Variants in KCNQ1 observed in about 807,000 individuals in gnomAD.
The protein encoded by KCNQ1 is potassium voltage-gated channel subfamily Q member 1.
A neutral mutation model predicts 72.4 loss-of-function variants in KCNQ1; 49 were observed. That is an observed-to-expected ratio of 0.68 (90% CI 0.54 to 0.86). The LOEUF is 0.86. KCNQ1 is among the 40% of genes least tolerant of loss of function. KCNQ1 has a pLI of 0.00. For missense variants in KCNQ1, 790 were observed against 945.1 expected (o/e 0.84, Z 2.15); for synonymous variants, 450 against 412.6 (o/e 1.09, Z -1.10).
rs1848576720 is a variant in KCNQ1 at position 2,585,277 on chromosome 11, G to A, written c.1098G>A (p.Arg366=). 1 of 1,614,006 alleles carries A rather than the reference G, an allele frequency of 6.2e-7. No homozygotes were observed. ...QQKQRQKHFN[R]QIPAAASLIQ... The stretch of plus-strand genomic sequence containing the variant: ...AGCAGAGGCAGAAGCACTTCAACCG[G>A]CAGATCCCGGCGGCAGCCTCACTCA... The change falls in exon 8 of 16, where the codon CGG becomes CGA. Residue 366 remains arginine, a synonymous_variant. Transcript: ENST00000155840.
In KCNQ1 at chr11:2,479,087, T is replaced by C. The variant is rs553026281; in HGVS notation, c.386+33603T>C. Reference sequence around the variant, plus strand: ...ATGCAAGAGGTGGGTTCCCATAGTCTTGAGCAGCTCTGCCCCTCTGGCTTT... The same window carrying C: ...ATGCAAGAGGTGGGTTCCCATAGTCCTGAGCAGCTCTGCCCCTCTGGCTTT... On this transcript the variant is annotated intron_variant, in intron 1 of 15. Coordinates refer to ENST00000155840, the MANE Select transcript of KCNQ1 (RefSeq NM_000218.3). This position sits in a 1 kb window ranked among gnomAD's most constrained non-coding sequence, Gnocchi z 4.6. 6.6e-6 allele frequency among the ~76,000 whole-genome samples: 1 copy of C among 152,344 alleles called. No homozygotes were observed. The highest frequency in any genetic ancestry group is 1.9e-4 in the East Asian group (1 of 5,172).
At chr11:2,570,525 T>C in intron 2 of KCNQ1, 103 bp from the exon 3 acceptor site, 1 of 1,514,910 alleles carries the variant, frequency 6.6e-7, no homozygotes, top group Non-Finnish European at 9.0e-7. Flanking sequence ...CAGGGTGTCC[T>C]TCAGCGGAGG....
At position 2,735,019 on chromosome 11, in the gene KCNQ1, C is replaced by T. The variant is rs1430474245; in HGVS notation, c.1515-33825C>T. The stretch of plus-strand genomic sequence containing the variant: ...CCCCAGGCTGGTGGGGTAAGCGCCT[C>T]GGAGGGCACACTAACAAGAGGCACA... On this transcript the variant is annotated intron_variant, in intron 11 of 15. Coordinates refer to ENST00000155840, the MANE Select transcript of KCNQ1 (RefSeq NM_000218.3). The surrounding 1 kb of genome is among the most constrained non-coding windows in gnomAD (Gnocchi z 7.7). Among the ~76,000 whole-genome samples the T allele has an allele frequency of 3.3e-5, 5 of 152,096 alleles. No homozygotes were observed. Among genetic ancestry groups the T allele is most frequent in the African/African-American group, 1.2e-4 (5 of 41,416 alleles).
At position 2,668,870 on chromosome 11, in the gene KCNQ1, T is replaced by G. The variant is rs772994014; in HGVS notation, c.1514+6789T>G. 12 of 398,538 alleles carry G rather than the reference T, an allele frequency of 3.0e-5. No individual in the cohort carries two copies. Among genetic ancestry groups the G allele is most frequent in the African/African-American group, 6.2e-5 (3 of 48,632 alleles). 24.7% of individuals were successfully genotyped at this position (398,538 alleles called of 1,614,324 possible). Reference sequence around the variant, plus strand: ...TGTTTGTGTCCTATTTAAGAAACTTTGACTACTCCAAGGTCATAAAGATAT... The same window carrying G: ...TGTTTGTGTCCTATTTAAGAAACTTGGACTACTCCAAGGTCATAAAGATAT... On this transcript the variant is annotated intron_variant, in intron 11 of 15. Coordinates refer to ENST00000155840, the MANE Select transcript of KCNQ1 (RefSeq NM_000218.3). This position sits in a 1 kb window ranked among gnomAD's most constrained non-coding sequence, Gnocchi z 4.3.
chr11:2,655,505 C>A, intron 10 of KCNQ1: 1 of 398,666 alleles, frequency 2.5e-6, no homozygotes, highest in Non-Finnish European at 4.4e-6. Flanking sequence ...AGATGAACTG[C>A]CCTTTCAAGT....
At position 2,486,542 on chromosome 11, in the gene KCNQ1, G is replaced by A. The variant is rs943795337; in HGVS notation, c.386+41058G>A. On this transcript the variant is annotated intron_variant, in intron 1 of 15. Coordinates refer to ENST00000155840, the MANE Select transcript of KCNQ1 (RefSeq NM_000218.3). This position sits in a 1 kb window ranked among gnomAD's most constrained non-coding sequence, Gnocchi z 5.0. The stretch of plus-strand genomic sequence containing the variant: ...TTTTTGTTTTGTTGCCTGTGCCTTT[G>A]GTCTTTGTGTTAGTCCATTTAGCAT... Among the ~76,000 whole-genome samples the A allele has an allele frequency of 1.8e-4, 27 of 152,084 alleles. No individual in the cohort carries two copies. Among genetic ancestry groups the A allele is most frequent in the African/African-American group, 6.3e-4 (26 of 41,384 alleles).
At position 2,481,744 on chromosome 11, in the gene KCNQ1, G is replaced by T. The variant is rs903073577; in HGVS notation, c.386+36260G>T. On this transcript the variant is annotated intron_variant, in intron 1 of 15. Transcript: ENST00000155840. The surrounding 1 kb of genome is among the most constrained non-coding windows in gnomAD (Gnocchi z 4.6). ...GATCTAGGTTGCCTCCTCTTTATAA[G>T]AATCTAATGCCTGATGATCTGTCAC... 2.0e-5 allele frequency among the ~76,000 whole-genome samples: 3 copies of T among 152,150 alleles called. No individual in the cohort carries two copies. Among genetic ancestry groups the T allele is most frequent in the African/African-American group, 7.2e-5 (3 of 41,424 alleles).
rs1320699484 is a variant in KCNQ1 at position 2,809,672 on chromosome 11, C to T, written c.1794+31635C>T. On this transcript the variant is annotated intron_variant, in intron 15 of 15. Transcript: ENST00000155840. The surrounding 1 kb of genome is among the most constrained non-coding windows in gnomAD (Gnocchi z 7.1). ...GGGCCCCACGGCTCATGCCTGCTTCCCTGCTATCCTCCTGTGCACTGTTGG... is the reference window on the plus strand; with the variant it reads ...GGGCCCCACGGCTCATGCCTGCTTCTCTGCTATCCTCCTGTGCACTGTTGG... Among the ~76,000 whole-genome samples the T allele has an allele frequency of 2.0e-5, 3 of 152,166 alleles. No individual in the cohort carries two copies. The highest frequency in any genetic ancestry group is 4.4e-5 in the Non-Finnish European group (3 of 68,034).
intron 8 of KCNQ1, 112 bp from the exon 9 acceptor site, chr11:2,587,458 C>A: frequency 6.6e-7 from 1 of 1,504,552 alleles, no homozygotes; most frequent in Non-Finnish European, 9.1e-7. Context: ...GACCCTGCCA[C>A]CCAGAGGGGA....
rs1848760754 is a variant in KCNQ1 at position 2,598,466 on chromosome 11, G to A, written c.1393+9612G>A. ...AAATAACATCATTATTTTTGTAAAT[G>A]CTCCACAGACCTCAGAAAATATCTT... On this transcript the variant is annotated intron_variant, in intron 10 of 15. Coordinates refer to ENST00000155840, the MANE Select transcript of KCNQ1 (RefSeq NM_000218.3). This position sits in a 1 kb window ranked among gnomAD's most constrained non-coding sequence, Gnocchi z 6.2. 6.6e-6 allele frequency among the ~76,000 whole-genome samples: 1 copy of A among 151,982 alleles called. No individual in the cohort carries two copies. Among genetic ancestry groups the A allele is most frequent in the South Asian group, 2.1e-4 (1 of 4,820 alleles).
rs923766344 is a variant in KCNQ1, at chr11:2,602,112, A to G, written c.1393+13258A>G. Among the ~76,000 whole-genome samples, 4 of 152,200 alleles carry G rather than the reference A, an allele frequency of 2.6e-5. No individual in the cohort carries two copies. In the South Asian group the frequency reaches 6.2e-4, roughly 24 times the overall value. ...ACGGAAGCAGGGGCAGGAAATGGCA[A>G]TGTGATTTGAGGAAGGGGTCACAAA... On this transcript the variant is annotated intron_variant, in intron 10 of 15. Transcript: ENST00000155840. This position sits in a 1 kb window ranked among gnomAD's most constrained non-coding sequence, Gnocchi z 4.8.
In KCNQ1 at chr11:2,662,038, C is replaced by T; in HGVS notation, c.1471C>T (p.Leu491=). 1 of 1,614,222 alleles carries T rather than the reference C, an allele frequency of 6.2e-7. No individual in the cohort carries two copies. The highest frequency in any genetic ancestry group is 8.5e-7 in the Non-Finnish European group (1 of 1,180,038). ...RTNSFAEDLD[L]EGETLLTPIT... is the part of the protein sequence containing the mutation. ...CAACAGCTTCGCCGAGGACCTGGACCTGGAAGGGGAGACTCTGCTGACACC... is the reference window on the plus strand; with the variant it reads ...CAACAGCTTCGCCGAGGACCTGGACTTGGAAGGGGAGACTCTGCTGACACC... The change falls in exon 11 of 16, where the codon CTG becomes TTG. Residue 491 remains leucine, a synonymous_variant. Transcript: ENST00000155840.
intron 2 of KCNQ1, among the ~76,000 whole-genome samples, chr11:2,533,322 G>T (rs553772125): frequency 1.3e-5 from 2 of 152,326 alleles, no homozygotes; most frequent in Admixed American, 6.5e-5. Flanking sequence ...ATCTGGTCTC[G>T]GCTGGGGTCC....
At chr11:2,469,955 C>T (rs578213670) in intron 1 of KCNQ1, among the ~76,000 whole-genome samples, 132 of 152,206 alleles carry the variant, frequency 8.7e-4, no homozygotes, top group Non-Finnish European at 1.7e-3. Context: ...CCACCACGCC[C>T]GGCCCTTTTA....
intron 2 of KCNQ1, among the ~76,000 whole-genome samples, chr11:2,569,747 C>T (rs1441291266): frequency 1.3e-5 from 2 of 152,230 alleles, no homozygotes; most frequent in Non-Finnish European, 2.9e-5. Flanking sequence ...GGCTGCACTT[C>T]ACATGAAAGC....
At chr11:2,456,804 G>A (rs372109740) in intron 1 of KCNQ1, among the ~76,000 whole-genome samples, 1 of 144,814 alleles carries the variant, frequency 6.9e-6, no homozygotes, top group African/African-American at 2.6e-5. Flanking sequence ...CCGGGCGTGG[G>A]GGTGGGCGCC....
At chr11:2,527,370 G>A (rs1384537770) in intron 1 of KCNQ1, among the ~76,000 whole-genome samples, 17 of 152,194 alleles carry the variant, frequency 1.1e-4, no homozygotes, top group Admixed American at 1.1e-3. Context: ...CTGAACTCCT[G>A]GACAGGGGGC....
intron 10 of KCNQ1, among the ~76,000 whole-genome samples, chr11:2,591,564 G>C (rs1011746835): frequency 3.3e-5 from 5 of 152,360 alleles, no homozygotes; most frequent in Non-Finnish European, 7.3e-5. Flanking sequence ...GCAGGTGGGC[G>C]TGGCCGGGGG....
At chr11:2,709,790 C>T (rs943352415) in intron 11 of KCNQ1, among the ~76,000 whole-genome samples, 1 of 152,206 alleles carries the variant, frequency 6.6e-6, no homozygotes, top group African/African-American at 2.4e-5. Context: ...TTTCGAGGTT[C>T]ATTCATGCTG....
Sources: gnomAD v4.1 joint callset for allele counts (sites outside exome capture counted in the v4.1 genomes callset) on GRCh38, gnomAD v4.1.1 for gene constraint, Gnocchi (gnomAD v3.1) non-coding constraint, MANE v1.5 for transcripts, NCBI Gene and HGNC (gene_info 2026-07-23, HGNC 2026-07-21) for gene names.